Variants in USP3 observed in about 807,000 individuals in gnomAD.
USP3 encodes ubiquitin specific peptidase 3, also known as ubiquitin carboxyl-terminal hydrolase 3.
A neutral mutation model predicts 72.3 loss-of-function variants in USP3; 20 were observed. That is an observed-to-expected ratio of 0.28 (90% CI 0.19 to 0.40). USP3 has a LOEUF of 0.40. USP3 is among the 10% of genes least tolerant of loss of function. The pLI is 1.00. For synonymous variants in USP3, 222 were observed against 225.3 expected (o/e 0.99, Z 0.13); for missense variants, 479 against 633.9 (o/e 0.76, Z 2.62).
Position 63,574,442 on chromosome 15 carries a change from A to G in USP3, c.1096+39A>G, listed in dbSNP as rs777566317. The G allele has an allele frequency of 6.9e-7, 1 of 1,446,208 alleles. No individual in the cohort carries two copies. Among genetic ancestry groups the G allele is most frequent in the African/African-American group, 1.4e-5 (1 of 68,976 alleles). The allele number at this position is 1,446,208 out of a possible 1,614,324, so 89.6% of individuals were successfully genotyped here. ...AATGTTCTAAAAATTTTTTTCTTTA[A>G]ATAATTGAATAGATTGATAAGCTTC... On this transcript the variant is annotated intron_variant, in intron 11 of 14. Coordinates refer to ENST00000380324, the MANE Select transcript of USP3 (RefSeq NM_006537.4). The surrounding 1 kb of genome is among the most constrained non-coding windows in gnomAD (Gnocchi z 4.6).
chr15:63,556,469 G>A (rs1359810770), intron 4 of USP3, 198 bp from the exon 5 acceptor site: 1 of 441,270 alleles, frequency 2.3e-6, no homozygotes. Flanking sequence ...CACCTCTGCT[G>A]GAGGAGCAAT....
In USP3 at chr15:63,570,686, T is replaced by A. The variant is rs755456398; in HGVS notation, c.908+107T>A. On this transcript the variant is annotated intron_variant, in intron 9 of 14. Transcript: ENST00000380324. This position sits in a 1 kb window ranked among gnomAD's most constrained non-coding sequence, Gnocchi z 4.4. ...AAGGTAGAGGGGTTTCTTGGACATT[T>A]GCTGGAACTTTTCGTGCCCTTGAAC... 2.6e-5 allele frequency: 38 copies of A among 1,489,342 alleles called. No individual in the cohort carries two copies. Among genetic ancestry groups the A allele is most frequent in the Non-Finnish European group, 3.4e-5 (38 of 1,115,502 alleles). The allele number at this position is 1,489,342 out of a possible 1,614,324, so 92.3% of individuals were successfully genotyped here. A position where few individuals can be genotyped will look rare whatever the true frequency, so the allele number is the denominator to read the frequency against.
intron 1 of USP3, among the ~76,000 whole-genome samples, chr15:63,513,220 G>A (rs2065812824): frequency 6.6e-6 from 1 of 152,100 alleles, no homozygotes; most frequent in African/African-American, 2.4e-5. Context: ...TTAATTTTAT[G>A]GACTGTTCTT....
rs2066464376 is a variant in USP3 at position 63,553,475 on chromosome 15, T to C, written c.285-240T>C. On this transcript the variant is annotated intron_variant, in intron 3 of 14. Transcript: ENST00000380324. This position sits in a 1 kb window ranked among gnomAD's most constrained non-coding sequence, Gnocchi z 4.2. ...GCTTATTTCATTTTCAAAGGAGGAA[T>C]TGAAGAGCTTTTGAGTAAAAAACGT... 1 of 343,706 alleles carries C rather than the reference T, an allele frequency of 2.9e-6. No individual in the cohort carries two copies. The highest frequency in any genetic ancestry group is 5.3e-6 in the Non-Finnish European group (1 of 189,922). 21.3% of individuals were successfully genotyped at this position (343,706 alleles called of 1,614,324 possible).
At chr15:63,566,089 A>C (rs2066685792) in intron 8 of USP3, among the ~76,000 whole-genome samples, 1 of 152,162 alleles carries the variant, frequency 6.6e-6, no homozygotes, top group Non-Finnish European at 1.5e-5. Flanking sequence ...TGATGATTCA[A>C]ATCAGGTCTT....
chr15:63,588,099 G>A lies in USP3; in HGVS notation c.1097-206G>A. ...CACCAGATGTCAGGCATGATGCCAG[G>A]TGCTCTACACATTATTTCTCTTCCT... On this transcript the variant is annotated intron_variant, in intron 11 of 14. Coordinates refer to ENST00000380324, the MANE Select transcript of USP3 (RefSeq NM_006537.4). The surrounding 1 kb of genome is among the most constrained non-coding windows in gnomAD (Gnocchi z 4.6). The A allele has an allele frequency of 2.4e-6, 1 of 419,482 alleles. No individual in the cohort carries two copies. The highest frequency in any genetic ancestry group is 4.2e-6 in the Non-Finnish European group (1 of 237,020). 26.0% of individuals were successfully genotyped at this position (419,482 alleles called of 1,614,324 possible). A position where few individuals can be genotyped will look rare whatever the true frequency, so the allele number is the denominator to read the frequency against.
intron 7 of USP3, 98 bp downstream of exon 7, chr15:63,560,068 C>A: frequency 2.1e-6 from 2 of 944,934 alleles, no homozygotes; most frequent in South Asian, 2.0e-5. Context: ...CAGGCACATG[C>A]CTTAAAAAAA....
chr15:63,505,971 T>A (rs553288563), intron 1 of USP3, among the ~76,000 whole-genome samples: 23 of 152,310 alleles, frequency 1.5e-4, no homozygotes, highest in South Asian at 1.2e-3. Context: ...GCTTACTACT[T>A]AAATAGTGAT....
At chr15:63,567,290 T>C (rs1178014195) in intron 8 of USP3, among the ~76,000 whole-genome samples, 1 of 151,600 alleles carries the variant, frequency 6.6e-6, no homozygotes, top group Non-Finnish European at 1.5e-5. Context: ...TTCTTCTGCC[T>C]CAGCCTCCCG....
intron 8 of USP3, among the ~76,000 whole-genome samples, chr15:63,568,461 A>G (rs975704923): frequency 6.6e-6 from 1 of 151,836 alleles, no homozygotes; most frequent in Admixed American, 6.6e-5. Context: ...GCATTTCCTC[A>G]CTAATTCTCA....
chr15:63,554,709 A>C (rs1045452705), intron 4 of USP3, among the ~76,000 whole-genome samples: 1 of 152,248 alleles, frequency 6.6e-6, no homozygotes, highest in African/African-American at 2.4e-5. Flanking sequence ...AGTACTGTGT[A>C]GTGTTTGTTA....
chr15:63,584,021 G>T (rs75128564), intron 11 of USP3, among the ~76,000 whole-genome samples: 4 of 151,494 alleles, frequency 2.6e-5, no homozygotes, highest in Non-Finnish European at 4.4e-5. Flanking sequence ...TTTAACTTTC[G>T]GAAGTACTGC....
At chr15:63,534,319 T>G (rs1308986967) in intron 2 of USP3, among the ~76,000 whole-genome samples, 1 of 152,184 alleles carries the variant, frequency 6.6e-6, no homozygotes, top group African/African-American at 2.4e-5. Context: ...TTTAGACTGC[T>G]TGTCTTTAGG....
chr15:63,588,646 TTGAC>T lies in USP3; in HGVS notation c.1216-52_1216-49del, dbSNP rs2067123053. The T allele has an allele frequency of 7.4e-7, 1 of 1,355,772 alleles. No homozygotes were observed. Among genetic ancestry groups the T allele is most frequent in the Non-Finnish European group, 1.0e-6 (1 of 958,696 alleles). 84.0% of individuals were successfully genotyped at this position (1,355,772 alleles called of 1,614,324 possible). A position where few individuals can be genotyped will look rare whatever the true frequency, so the allele number is the denominator to read the frequency against. ...ACTGAACTGATAGTAGTATCAAACT[TTGAC>T]TGAAAGGTAAATTAGGTGTTCACAA... On this transcript the variant is annotated intron_variant, in intron 12 of 14. Coordinates refer to ENST00000380324, the MANE Select transcript of USP3 (RefSeq NM_006537.4). The surrounding 1 kb of genome is among the most constrained non-coding windows in gnomAD (Gnocchi z 4.6).
intron 11 of USP3, among the ~76,000 whole-genome samples, chr15:63,575,199 C>G (rs578056932): frequency 2.5e-4 from 37 of 146,512 alleles, no homozygotes; most frequent in African/African-American, 8.3e-4. Flanking sequence ...ACTGCACTGT[C>G]CAATATGATA....
intron 6 of USP3, among the ~76,000 whole-genome samples, chr15:63,559,483 A>G (rs1319132369): frequency 6.6e-6 from 1 of 152,224 alleles, no homozygotes; most frequent in Non-Finnish European, 1.5e-5. Context: ...GTGTATCAAA[A>G]TAATATGGTC....
chr15:63,543,597 A>T lies in USP3; in HGVS notation c.284+6441A>T, dbSNP rs892112710. ...GTTTACTTTGAGCATTTTGCATTCTATATCTGCTTAGTTATATGGATTTAT... is the reference window on the plus strand; with the variant it reads ...GTTTACTTTGAGCATTTTGCATTCTTTATCTGCTTAGTTATATGGATTTAT... On this transcript the variant is annotated intron_variant, in intron 3 of 14. Transcript: ENST00000380324. Among the ~76,000 whole-genome samples, 19 of 152,206 alleles carry T rather than the reference A, an allele frequency of 1.2e-4. 1 individual carries two copies. Among genetic ancestry groups the T allele is most frequent in the Admixed American group, 1.1e-3 (17 of 15,280 alleles).
chr15:63,552,408 G>C (rs2066450133), intron 3 of USP3, among the ~76,000 whole-genome samples: 2 of 152,130 alleles, frequency 1.3e-5, no homozygotes, highest in African/African-American at 4.8e-5. Flanking sequence ...TCTTTATGTA[G>C]TTGTTATAGG....
chr15:63,524,503 C>T (rs2065955296), intron 1 of USP3, among the ~76,000 whole-genome samples: 1 of 152,100 alleles, frequency 6.6e-6, no homozygotes, highest in South Asian at 2.1e-4. Context: ...TTTTGTGGGC[C>T]AAGAATTCAG....
Sources: gnomAD v4.1 joint callset for allele counts (sites outside exome capture counted in the v4.1 genomes callset) on GRCh38, gnomAD v4.1.1 for gene constraint, Gnocchi (gnomAD v3.1) non-coding constraint, MANE v1.5 for transcripts, NCBI Gene and HGNC (gene_info 2026-07-23, HGNC 2026-07-21) for gene names.